Variants in ATP6V0A4 observed in about 807,000 individuals in gnomAD.
ATP6V0A4 encodes V-type proton ATPase 116 kDa subunit a 4.
Under a neutral mutation model 107.3 loss-of-function variants are expected in ATP6V0A4, and 86 were observed. That is an observed-to-expected ratio of 0.80 (90% CI 0.67 to 0.96). ATP6V0A4 has a LOEUF of 0.96. ATP6V0A4 is among the 40% of genes least tolerant of loss of function. The pLI, the probability that ATP6V0A4 is intolerant of heterozygous loss-of-function variation, is 0.00. For missense variants in ATP6V0A4, 908 were observed against 1,045.6 expected, an observed-to-expected ratio of 0.87 and a Z score of 1.81; for synonymous variants, 353 against 381.4, an observed-to-expected ratio of 0.93 and a Z score of 0.87.
intron 1 of ATP6V0A4, among the ~76,000 whole-genome samples, chr7:138,793,421 A>T (rs1417949453): frequency 6.6e-6 from 1 of 152,244 alleles, no homozygotes; most frequent in Non-Finnish European, 1.5e-5. Flanking sequence ...TGAATGCAAA[A>T]GTTGACAAAA....
intron 2 of ATP6V0A4, among the ~76,000 whole-genome samples, chr7:138,778,018 T>C (rs1005659988): frequency 4.6e-5 from 7 of 152,158 alleles, no homozygotes; most frequent in Admixed American, 1.3e-4. Flanking sequence ...AACACATATT[T>C]CATTCAGAGT....
At chr7:138,775,829 T>A (rs1310650004) in intron 2 of ATP6V0A4, among the ~76,000 whole-genome samples, 2 of 152,126 alleles carry the variant, frequency 1.3e-5, no homozygotes, top group East Asian at 3.9e-4. Context: ...TTTTTGTATT[T>A]TTAGTAGAGA....
Position 138,749,171 on chromosome 7 carries a change from G to A in ATP6V0A4, c.1176C>T (p.Asn392=). ...TGCAGTTCATCAGATCTTTACCTGG[G>A]TTTATCTCCCGGTAGCTGCCGACAC... is the stretch of plus-strand genomic sequence containing the variant. ...AYGVGSYREI[N]PAPYTIITFP... Residue 392 remains asparagine (N), a synonymous_variant, in exon 12 of 22, where the codon AAC becomes AAT. Transcript: ENST00000310018. The A allele has an allele frequency of 2.5e-6, 4 of 1,613,962 alleles. No individual in the cohort carries two copies. The highest frequency in any genetic ancestry group is 3.4e-6 in the Non-Finnish European group (4 of 1,180,002).
intron 2 of ATP6V0A4, among the ~76,000 whole-genome samples, chr7:138,775,852 G>A (rs1416655751): frequency 2.6e-5 from 4 of 151,884 alleles, no homozygotes; most frequent in East Asian, 1.9e-4. Flanking sequence ...GGGTTTCACC[G>A]GGTTAGCCAG....
At chr7:138,790,487 GT>G (rs1808361762) in intron 1 of ATP6V0A4, among the ~76,000 whole-genome samples, 1 of 152,094 alleles carries the variant, frequency 6.6e-6, no homozygotes, top group Non-Finnish European at 1.5e-5. Context: ...TAGAGATGGG[GT>G]TTTGCCATGT....
At chr7:138,730,341 AGTGTGTGTGTGTGTGT>A (rs369725759) in intron 17 of ATP6V0A4, among the ~76,000 whole-genome samples, 10 of 140,138 alleles carry the variant, frequency 7.1e-5, no homozygotes, top group African/African-American at 1.0e-4. Context: ...CAACGGGATG[AGTGTGTGTGTGTGTGT>A]GTGTGTGTGT....
At chr7:138,775,505 C>T (rs1807616949) in intron 2 of ATP6V0A4, among the ~76,000 whole-genome samples, 1 of 152,070 alleles carries the variant, frequency 6.6e-6, no homozygotes, top group Admixed American at 6.6e-5. Context: ...GAGGCAGGGT[C>T]TTGCTCTGTT....
intron 13 of ATP6V0A4, among the ~76,000 whole-genome samples, chr7:138,747,027 T>C (rs1297409473): frequency 6.6e-6 from 1 of 152,150 alleles, no homozygotes; most frequent in Non-Finnish European, 1.5e-5. Flanking sequence ...TTTGAAAAAT[T>C]GGTGGATAAG....
Position 138,750,779 on chromosome 7 carries a change from C to T in ATP6V0A4, c.1030-1462G>A, listed in dbSNP as rs1348260900. Reference sequence around the variant, plus strand: ...GCCTGGTTGAAATGCTTTTTAAGTGCCCCATTTAGGTGGTTTTTGGACCAT... The same window carrying T: ...GCCTGGTTGAAATGCTTTTTAAGTGTCCCATTTAGGTGGTTTTTGGACCAT... On this transcript the variant is annotated intron_variant, in intron 11 of 21. Transcript: ENST00000310018. Among the ~76,000 whole-genome samples, 4 of 152,190 alleles carry T rather than the reference C, an allele frequency of 2.6e-5. No individual in the cohort carries two copies. The East Asian group carries it at 7.7e-4, about 29-fold the overall frequency.
At chr7:138,718,466 G>C (rs1212206113) in intron 19 of ATP6V0A4, among the ~76,000 whole-genome samples, 5 of 127,180 alleles carry the variant, frequency 3.9e-5, no homozygotes, top group Middle Eastern at 4.9e-3. Flanking sequence ...AAGGAATGGG[G>C]GGGATGGCGG....
At chr7:138,742,341 C>T (rs1238678982) in intron 14 of ATP6V0A4, among the ~76,000 whole-genome samples, 3 of 152,018 alleles carry the variant, frequency 2.0e-5, no homozygotes, top group African/African-American at 4.8e-5. Flanking sequence ...GCAGGAGAAT[C>T]GCTAGAACCC....
intron 17 of ATP6V0A4, among the ~76,000 whole-genome samples, chr7:138,730,412 C>T (rs1360354196): frequency 6.7e-6 from 1 of 148,400 alleles, no homozygotes; most frequent in African/African-American, 2.5e-5. Flanking sequence ...TCAAAGACAG[C>T]CAGGACAATG....
chr7:138,753,357 G>A (rs1806330740), intron 10 of ATP6V0A4, among the ~76,000 whole-genome samples: 1 of 152,154 alleles, frequency 6.6e-6, no homozygotes, highest in Non-Finnish European at 1.5e-5. Flanking sequence ...AGGCAAGGAG[G>A]GGGCTCCCTT....
intron 1 of ATP6V0A4, among the ~76,000 whole-genome samples, chr7:138,796,560 C>T (rs1324562393): frequency 6.6e-6 from 1 of 152,130 alleles, no homozygotes; most frequent in Non-Finnish European, 1.5e-5. Flanking sequence ...CAGACGATTC[C>T]CTCGCCTTTA....
chr7:138,775,716 T>C (rs962798191), intron 2 of ATP6V0A4, among the ~76,000 whole-genome samples: 8 of 148,694 alleles, frequency 5.4e-5, no homozygotes, highest in Admixed American at 3.5e-4. Context: ...AGTGGCGCGA[T>C]CTCGGCTCAC....
rs763129936 is a variant in ATP6V0A4, at chr7:138,798,060, G to A, written c.-147C>T. 4 of 1,564,838 alleles carry A rather than the reference G, an allele frequency of 2.6e-6. No individual in the cohort carries two copies. The East Asian group carries it at 7.1e-5, about 28-fold the overall frequency. On this transcript the variant is annotated 5_prime_UTR_variant, in exon 1 of 22. Transcript: ENST00000310018. ...TGCAGCAGGCACTCGGCACAACTCC[G>A]CAGGACCGGCTCACCTGCACCGGGC...
In ATP6V0A4 at chr7:138,708,162, C is replaced by T. The variant is rs552841135; in HGVS notation, c.2430-1445G>A. Among the ~76,000 whole-genome samples, 11 of 152,024 alleles carry T rather than the reference C, an allele frequency of 7.2e-5. No homozygotes were observed. The East Asian group carries it at 1.8e-3, about 24-fold the overall frequency. Reference sequence around the variant, plus strand: ...CACCTCCCGGGTTCCAGCCATTCTCCTGCCTCAGCCCCTTGAGTAGCTGGG... The same window carrying T: ...CACCTCCCGGGTTCCAGCCATTCTCTTGCCTCAGCCCCTTGAGTAGCTGGG... On this transcript the variant is annotated intron_variant, in intron 21 of 21. Coordinates refer to ENST00000310018, the MANE Select transcript of ATP6V0A4 (RefSeq NM_020632.3).
chr7:138,747,974 T>C (rs1174610819), intron 12 of ATP6V0A4, among the ~76,000 whole-genome samples: 1 of 152,030 alleles, frequency 6.6e-6, no homozygotes, highest in Non-Finnish European at 1.5e-5. Flanking sequence ...CGGGCTGGTC[T>C]CGAACTCCTG....
chr7:138,714,811 T>C (rs536116956), intron 20 of ATP6V0A4, among the ~76,000 whole-genome samples: 1 of 152,298 alleles, frequency 6.6e-6, no homozygotes, highest in South Asian at 2.1e-4. Context: ...TCCCCAAAGA[T>C]GTCTACATCC....
Sources: gnomAD v4.1 joint callset for allele counts (sites outside exome capture counted in the v4.1 genomes callset) on GRCh38, gnomAD v4.1.1 for gene constraint, MANE v1.5 for transcripts, NCBI Gene and HGNC (gene_info 2026-07-23, HGNC 2026-07-21) for gene names.